The following EYS variants were observed in gnomAD, a reference collection of about 807,000 sequenced individuals.
EYS encodes protein eyes shut homolog.
Under a neutral mutation model 282.1 loss-of-function variants are expected in EYS, and 250 were observed. That is an observed-to-expected ratio of 0.89 (90% confidence interval 0.80 to 0.98). EYS has a LOEUF of 0.98. Ranked by LOEUF, EYS falls within the 50% of genes least tolerant of loss-of-function variation. The pLI is 0.00. For synonymous variants in EYS, 1,355 were observed against 1,282.9 expected, an observed-to-expected ratio of 1.06 and a Z score of -1.20; for missense variants, 4,016 against 3,709.0, an observed-to-expected ratio of 1.08 and a Z score of -2.15.
chr6:65,060,845 T>C (rs1171430544), intron 12 of EYS, among the ~76,000 whole-genome samples: 2 of 150,810 alleles, frequency 1.3e-5, no homozygotes, highest in African/African-American at 2.4e-5. Context: ...AATGTATGCT[T>C]ATGAAAATAT....
intron 36 of EYS, among the ~76,000 whole-genome samples, chr6:63,827,965 T>A (rs1771521913): frequency 6.6e-6 from 1 of 151,370 alleles, no homozygotes; most frequent in Non-Finnish European, 1.5e-5. Flanking sequence ...TACATGGAAA[T>A]TAAATAACCT....
rs1010012719 is a variant in EYS, at chr6:64,602,154, T to C, written c.3685-8845A>G. Among the ~76,000 whole-genome samples the C allele has an allele frequency of 5.3e-5, 8 of 152,186 alleles. No homozygotes were observed. In the East Asian group the frequency reaches 1.4e-3, roughly 26 times the overall value. Reference sequence around the variant, plus strand: ...TGATTTATATGTCATTCCTGGTACATTGTAAATGTCACTAGGTAGAAGCCT... The same window carrying C: ...TGATTTATATGTCATTCCTGGTACACTGTAAATGTCACTAGGTAGAAGCCT... On this transcript the variant is annotated intron_variant, in intron 24 of 42. Transcript: ENST00000503581.
At chr6:65,006,855 T>C (rs1022273630) in intron 13 of EYS, among the ~76,000 whole-genome samples, 2 of 152,204 alleles carry the variant, frequency 1.3e-5, no homozygotes, top group African/African-American at 4.8e-5. Context: ...CAGCCAAGCC[T>C]TAAAGTACTT....
chr6:65,236,468 G>A (rs1170097404), intron 12 of EYS, among the ~76,000 whole-genome samples: 7 of 152,098 alleles, frequency 4.6e-5, no homozygotes, highest in East Asian at 1.9e-4. Flanking sequence ...AAAATTAGCC[G>A]GGCATGGTGG....
At chr6:64,910,590 C>G (rs1767960713) in intron 16 of EYS, among the ~76,000 whole-genome samples, 1 of 151,968 alleles carries the variant, frequency 6.6e-6, no homozygotes, top group African/African-American at 2.4e-5. Context: ...CCACTCTAGC[C>G]AAAGCTCTGA....
At chr6:64,241,102 C>T (rs1266126522) in intron 30 of EYS, among the ~76,000 whole-genome samples, 2 of 151,630 alleles carry the variant, frequency 1.3e-5, no homozygotes, top group East Asian at 1.9e-4. Context: ...ATGAAGCCGA[C>T]TTGGTTGGAT....
chr6:64,414,968 A>C (rs1040820348), intron 28 of EYS, among the ~76,000 whole-genome samples: 3 of 152,176 alleles, frequency 2.0e-5, no homozygotes, highest in African/African-American at 7.2e-5. Flanking sequence ...CTTTGAAATA[A>C]AGTAGGATTT....
Position 64,593,292 on chromosome 6 carries a change from A to G in EYS, c.3702T>C (p.Leu1234=), listed in dbSNP as rs1026776116. The G allele has an allele frequency of 4.5e-6, 7 of 1,550,134 alleles. No homozygotes were observed. In the Admixed American group the frequency reaches 7.9e-5, roughly 17 times the overall value. ...TTCTCCTTATTTCATCACCACAAAG[A>G]AGCCCAATGGAGCAGGTCTGCAAAT... ...TPGFMTCSIG[L]LCGDEIRRIT... is the part of the protein sequence containing the mutation. Residue 1234 remains leucine, a synonymous_variant, in exon 25 of 43, where the codon CTT becomes CTC. Coordinates refer to ENST00000503581, the MANE Select transcript of EYS (RefSeq NM_001142800.2).
At chr6:65,117,657 A>G (rs1485551904) in intron 12 of EYS, among the ~76,000 whole-genome samples, 1 of 152,216 alleles carries the variant, frequency 6.6e-6, no homozygotes, top group Admixed American at 6.5e-5. Flanking sequence ...GAGTTCAACA[A>G]CAAAAACATA....
At chr6:65,455,679 C>A (rs1036490138) in intron 5 of EYS, among the ~76,000 whole-genome samples, 3 of 152,018 alleles carry the variant, frequency 2.0e-5, no homozygotes, top group Non-Finnish European at 4.4e-5. Flanking sequence ...TGGATACGTA[C>A]ACTCTGCTAA....
chr6:64,745,071 G>C (rs1772510910), intron 22 of EYS, among the ~76,000 whole-genome samples: 1 of 152,142 alleles, frequency 6.6e-6, no homozygotes, highest in African/African-American at 2.4e-5. Flanking sequence ...TGGGAAGACA[G>C]AGTGCGCTCA....
intron 12 of EYS, among the ~76,000 whole-genome samples, chr6:65,171,773 T>A (rs1765110926): frequency 6.6e-6 from 1 of 151,512 alleles, no homozygotes; most frequent in Admixed American, 6.6e-5. Flanking sequence ...GAAGGTAAAC[T>A]ATTTTTTAAA....
At chr6:64,226,532 T>C (rs1766258253) in intron 31 of EYS, among the ~76,000 whole-genome samples, 1 of 152,078 alleles carries the variant, frequency 6.6e-6, no homozygotes, top group South Asian at 2.1e-4. Context: ...ACTGATATTC[T>C]AAATCTGTCA....
At chr6:65,677,875 A>C (rs1768679944) in intron 1 of EYS, among the ~76,000 whole-genome samples, 1 of 152,098 alleles carries the variant, frequency 6.6e-6, no homozygotes, top group Admixed American at 6.6e-5. Flanking sequence ...TTGAGGGTGC[A>C]GAAATAAGCC....
chr6:65,396,588 C>T (rs1403846165), intron 7 of EYS, among the ~76,000 whole-genome samples: 3 of 152,114 alleles, frequency 2.0e-5, no homozygotes, highest in Non-Finnish European at 2.9e-5. Flanking sequence ...ATTCAACACC[C>T]TAGCTATTTC....
chr6:64,112,035 AT>A (rs1773221195), intron 31 of EYS, among the ~76,000 whole-genome samples: 1 of 151,954 alleles, frequency 6.6e-6, no homozygotes, highest in South Asian at 2.1e-4. Context: ...GCTGGTTAAA[AT>A]TTTTTGGCTT....
At chr6:65,214,071 A>G (rs1766247146) in intron 12 of EYS, among the ~76,000 whole-genome samples, 1 of 144,540 alleles carries the variant, frequency 6.9e-6, no homozygotes, top group Non-Finnish European at 1.5e-5. Context: ...AGGCAGGAGA[A>G]TGGTGTGGAC....
chr6:64,934,757 T>C (rs1038701312), intron 15 of EYS, among the ~76,000 whole-genome samples: 3 of 151,882 alleles, frequency 2.0e-5, no homozygotes, highest in African/African-American at 7.2e-5. Flanking sequence ...ATATAAAGAA[T>C]AGTAATGATA....
intron 2 of EYS, among the ~76,000 whole-genome samples, chr6:65,615,524 A>T (rs1312390697): frequency 2.0e-5 from 3 of 151,746 alleles, no homozygotes; most frequent in Non-Finnish European, 4.4e-5. Context: ...GGATAATATG[A>T]TTTTTAATTT....
Sources: allele counts gnomAD v4.1 joint callset (sites outside exome capture counted in the v4.1 genomes callset), GRCh38; gene constraint gnomAD v4.1.1; transcripts MANE v1.5; gene names NCBI Gene and HGNC (gene_info 2026-07-23, HGNC 2026-07-21).